Variants in GPC5 observed in about 807,000 individuals in gnomAD.
GPC5 encodes the protein glypican-5.
GPC5 carries 47 observed loss-of-function variants against 53.9 expected under a neutral mutation model. The ratio of observed to expected loss-of-function variants is 0.87; its 90% CI spans 0.69 to 1.11. GPC5 has a LOEUF of 1.11. Ranked by LOEUF, GPC5 falls within the 50% of genes most tolerant of loss-of-function variation. The pLI is 0.00. For synonymous variants in GPC5, 286 were observed against 263.3 expected, an observed-to-expected ratio of 1.09 and a Z score of -0.84; for missense variants, 748 against 713.1, an observed-to-expected ratio of 1.05 and a Z score of -0.56.
chr13:91,630,743 C>T (rs2034135897), intron 2 of GPC5, among the ~76,000 whole-genome samples: 1 of 152,110 alleles, frequency 6.6e-6, no homozygotes, highest in Non-Finnish European at 1.5e-5. Context: ...TGAGTTCCTG[C>T]TCCTAAGTTT....
At chr13:91,977,988 G>GA (rs10709344) in intron 6 of GPC5, among the ~76,000 whole-genome samples, 24 of 144,174 alleles carry the variant, frequency 1.7e-4, no homozygotes, top group Admixed American at 5.5e-4. Flanking sequence ...AGAAAGAAAA[G>GA]AAAAAAAAAA....
intron 6 of GPC5, among the ~76,000 whole-genome samples, chr13:92,063,547 C>A (rs1160596251): frequency 6.6e-6 from 1 of 151,852 alleles, no homozygotes; most frequent in South Asian, 2.1e-4. Context: ...ATGCTTTGGG[C>A]CCAAGAAATA....
chr13:92,229,316 A>G (rs1031692825), intron 7 of GPC5, among the ~76,000 whole-genome samples: 4 of 152,232 alleles, frequency 2.6e-5, no homozygotes, highest in Admixed American at 6.5e-5. Context: ...GAGAAAAGGT[A>G]AAGTGTTACT....
chr13:92,502,196 C>T (rs1259362485), intron 7 of GPC5, among the ~76,000 whole-genome samples: 2 of 151,870 alleles, frequency 1.3e-5, no homozygotes, highest in Non-Finnish European at 2.9e-5. Flanking sequence ...GACACACACA[C>T]ACATGTCTGC....
intron 7 of GPC5, among the ~76,000 whole-genome samples, chr13:92,239,489 T>G (rs1216514805): frequency 6.6e-6 from 1 of 152,048 alleles, no homozygotes; most frequent in Admixed American, 6.6e-5. Flanking sequence ...CATGGTCATT[T>G]GGTTCCAATA....
chr13:91,445,277 C>CACAT (rs1168924845), intron 1 of GPC5, among the ~76,000 whole-genome samples: 1 of 152,156 alleles, frequency 6.6e-6, no homozygotes, highest in East Asian at 1.9e-4. Context: ...GTTACTTGAA[C>CACAT]ACATACACTG....
At chr13:91,661,529 G>A (rs1017576863) in intron 2 of GPC5, among the ~76,000 whole-genome samples, 2 of 152,086 alleles carry the variant, frequency 1.3e-5, no homozygotes, top group Non-Finnish European at 2.9e-5. Flanking sequence ...TAATAAATAA[G>A]TCATTTATGC....
intron 5 of GPC5, among the ~76,000 whole-genome samples, chr13:91,896,003 C>T (rs950371980): frequency 2.0e-5 from 3 of 152,046 alleles, no homozygotes; most frequent in African/African-American, 4.8e-5. Context: ...ATTGTCTTCT[C>T]CATTTCTGTC....
At chr13:92,732,579 A>G (rs1311204549) in intron 7 of GPC5, among the ~76,000 whole-genome samples, 2 of 151,622 alleles carry the variant, frequency 1.3e-5, no homozygotes, top group Non-Finnish European at 3.0e-5. Flanking sequence ...TTACATGTCC[A>G]TTTATAACTC....
intron 6 of GPC5, among the ~76,000 whole-genome samples, chr13:92,102,482 A>ATTGTAGTTG (rs2041475022): frequency 6.6e-6 from 1 of 152,282 alleles, no homozygotes; most frequent in Non-Finnish European, 1.5e-5. Context: ...GTAGTTGAGG[A>ATTGTAGTTG]AGGACTGTAT....
intron 6 of GPC5, among the ~76,000 whole-genome samples, chr13:92,139,326 A>G (rs61966454): frequency 2.8e-4 from 42 of 152,180 alleles, no homozygotes; most frequent in Non-Finnish European, 6.0e-4. Context: ...TCACTTCTTA[A>G]GAACCAAGGC....
chr13:92,169,809 A>T (rs1219619402), intron 7 of GPC5, among the ~76,000 whole-genome samples: 1 of 152,152 alleles, frequency 6.6e-6, no homozygotes, highest in Non-Finnish European at 1.5e-5. Context: ...TGAGAAAATT[A>T]AAAAACCTGT....
intron 7 of GPC5, among the ~76,000 whole-genome samples, chr13:92,857,599 A>T (rs1879042798): frequency 6.6e-6 from 1 of 152,164 alleles, no homozygotes; most frequent in South Asian, 2.1e-4. Context: ...CAGAGTCTAT[A>T]AGGAAGTTAA....
chr13:91,708,602 T>C (rs1018534413), intron 3 of GPC5, among the ~76,000 whole-genome samples: 1 of 152,220 alleles, frequency 6.6e-6, no homozygotes, highest in Non-Finnish European at 1.5e-5. Flanking sequence ...AATTAGATAA[T>C]GTTGATGGTT....
intron 5 of GPC5, among the ~76,000 whole-genome samples, chr13:91,850,629 A>G (rs987994206): frequency 6.6e-6 from 1 of 152,116 alleles, no homozygotes; most frequent in Non-Finnish European, 1.5e-5. Context: ...ATTCTCATCT[A>G]TATTTTATAG....
intron 6 of GPC5, among the ~76,000 whole-genome samples, chr13:92,005,085 A>T (rs1412486104): frequency 6.6e-6 from 1 of 152,162 alleles, no homozygotes; most frequent in African/African-American, 2.4e-5. Flanking sequence ...CCCAGGAACA[A>T]TACTTTGCAT....
intron 3 of GPC5, among the ~76,000 whole-genome samples, chr13:91,718,309 A>C (rs970817959): frequency 2.6e-5 from 4 of 151,936 alleles, no homozygotes; most frequent in African/African-American, 9.7e-5. Flanking sequence ...ATGGGGTTTC[A>C]CCATGTTAGC....
intron 1 of GPC5, among the ~76,000 whole-genome samples, chr13:91,410,568 G>A (rs111590864): frequency 0.02 from 3,022 of 151,524 alleles, 98 homozygotes; most frequent in African/African-American, 0.067. Context: ...GGATGGTCTC[G>A]ATCTCCTGAC....
intron 7 of GPC5, among the ~76,000 whole-genome samples, chr13:92,468,708 T>G (rs1296664179): frequency 6.6e-6 from 1 of 152,144 alleles, no homozygotes; most frequent in African/African-American, 2.4e-5. Context: ...CCATGTGTTT[T>G]TAGATGGAAA....
Sources: allele counts gnomAD v4.1 joint callset (sites outside exome capture counted in the v4.1 genomes callset), GRCh38; gene constraint gnomAD v4.1.1; transcripts MANE v1.5; gene names NCBI Gene and HGNC (gene_info 2026-07-23, HGNC 2026-07-21).